The following ZNF195 variants were observed in gnomAD, a reference collection of about 807,000 sequenced individuals.
The protein encoded by ZNF195 is hypoxia-regulated factor-1.
ZNF195 carries 11 observed loss-of-function variants against 19.5 expected under a neutral mutation model. That is an observed-to-expected ratio of 0.57 (90% CI 0.36 to 0.94). The LOEUF (loss-of-function observed/expected upper bound fraction) is 0.94. Ranked by LOEUF, ZNF195 falls within the 40% of genes least tolerant of loss-of-function variation. The probability of loss-of-function intolerance (pLI) is 0.01; values close to 1 mark genes in which losing one functional copy is unlikely to be tolerated. For missense variants in ZNF195, 582 were observed against 709.0 expected (o/e 0.82, Z 2.03); for synonymous variants, 214 against 248.1 (o/e 0.86, Z 1.29).
intron 1 of ZNF195, among the ~76,000 whole-genome samples, chr11:3,374,129 G>A (rs1173832481): frequency 6.6e-6 from 1 of 152,224 alleles, no homozygotes; most frequent in Non-Finnish European, 1.5e-5. Flanking sequence ...AGTTGTCCAT[G>A]TGATTTAATT....
chr11:3,375,503 C>A (rs1409787642), intron 1 of ZNF195: 1 of 152,174 alleles, frequency 6.6e-6, no homozygotes, highest in African/African-American at 2.4e-5. Flanking sequence ...TCACAACAAC[C>A]ACATCAGGAA....
rs767381623 is a variant in ZNF195 at position 3,360,471 on chromosome 11, G to C, written c.537C>G (p.Gly179=). ...KRILRGYGNC[G]LDNLYLRKDW... Reference sequence around the variant, plus strand: ...CTTTCCTTAAATATAAATTATCAAGGCCACAATTTCCATATCCTCTCAGTA... The same window carrying C: ...CTTTCCTTAAATATAAATTATCAAGCCCACAATTTCCATATCCTCTCAGTA... Residue 179 remains glycine, a synonymous_variant, in exon 6 of 6, where the codon GGC becomes GGG. Coordinates refer to ENST00000399602, the MANE Select transcript of ZNF195 (RefSeq NM_001130520.3). 1.9e-6 allele frequency: 3 copies of C among 1,608,788 alleles called. No individual in the cohort carries two copies. Among genetic ancestry groups the C allele is most frequent in the Non-Finnish European group, 2.5e-6 (3 of 1,179,296 alleles).
intron 1 of ZNF195, among the ~76,000 whole-genome samples, chr11:3,372,794 C>T (rs528131911): frequency 6.6e-4 from 100 of 152,344 alleles, no homozygotes; most frequent in Non-Finnish European, 1.3e-3. Context: ...TGCAGTGGCG[C>T]GATCTCGGCT....
chr11:3,366,820 T>C (rs1427928951), intron 3 of ZNF195: 1 of 403,060 alleles, frequency 2.5e-6, no homozygotes, highest in African/African-American at 2.0e-5. Flanking sequence ...ACCCCAGCAC[T>C]TCGGGAGACC....
intron 1 of ZNF195, among the ~76,000 whole-genome samples, chr11:3,372,906 A>AT (rs917198209): frequency 2.0e-5 from 3 of 152,070 alleles, no homozygotes; most frequent in South Asian, 2.1e-4. Flanking sequence ...TAATTTTTGT[A>AT]TTTTTTTAGT....
At chr11:3,371,513 C>A in intron 2 of ZNF195, 64 bp downstream of exon 2, 1 of 1,607,902 alleles carries the variant, frequency 6.2e-7, no homozygotes, top group Non-Finnish European at 8.5e-7. Flanking sequence ...AAAAAACATT[C>A]CGCAGAGGAA....
At chr11:3,375,970 A>T (rs1020539396) in intron 1 of ZNF195, among the ~76,000 whole-genome samples, 1 of 152,222 alleles carries the variant, frequency 6.6e-6, no homozygotes, top group South Asian at 2.1e-4. Flanking sequence ...GAGATCCATG[A>T]TAGTTGCTAC....
chr11:3,378,156 A>G (rs1262115273), intron 1 of ZNF195, among the ~76,000 whole-genome samples: 1 of 152,076 alleles, frequency 6.6e-6, no homozygotes, highest in Non-Finnish European at 1.5e-5. Context: ...CTAAAAATAC[A>G]AAAATTAGCC....
rs1848505857 is a variant in ZNF195 at position 3,359,124 on chromosome 11, A to G, written c.1884T>C (p.His628=). ...FSHLTVHESI[H]T ...ATATTTGTTTATTTTTTTCTCAAGT[A>G]TGAATGCTTTCATGTACAGTCAGGT... is the stretch of plus-strand genomic sequence containing the variant. The change falls in exon 6 of 6, where the codon CAT becomes CAC. Residue 628 remains histidine, a synonymous_variant. Coordinates refer to ENST00000399602, the MANE Select transcript of ZNF195 (RefSeq NM_001130520.3). The surrounding 1 kb of genome is among the most constrained non-coding windows in gnomAD (Gnocchi z 5.5). 2 of 1,548,538 alleles carry G rather than the reference A, an allele frequency of 1.3e-6. No individual in the cohort carries two copies. The highest frequency in any genetic ancestry group is 4.5e-5 in the East Asian group (2 of 44,248).
chr11:3,366,757 G>A (rs963904061), intron 3 of ZNF195: 2 of 233,528 alleles, frequency 8.6e-6, no homozygotes, highest in African/African-American at 2.3e-5. Flanking sequence ...ATGCAGCCAC[G>A]ATGAAAGATA....
intron 1 of ZNF195, among the ~76,000 whole-genome samples, chr11:3,376,376 A>C (rs1190790046): frequency 6.6e-6 from 1 of 152,196 alleles, no homozygotes; most frequent in Admixed American, 6.5e-5. Flanking sequence ...ATGTTTTAAT[A>C]AAGTTTACGA....
intron 3 of ZNF195, chr11:3,368,968 A>G: frequency 2.5e-6 from 1 of 393,608 alleles, no homozygotes; most frequent in Non-Finnish European, 5.1e-6. Context: ...TATCCTTAAA[A>G]ACTCTGAGAG....
rs2134683841 is a variant in ZNF195 at position 3,360,045 on chromosome 11, A to G, written c.963T>C (p.Tyr321=). The change falls in exon 6 of 6, where the codon TAT becomes TAC. Residue 321 remains tyrosine, a synonymous_variant. Transcript: ENST00000399602. ...TCSVLTKNRI[Y]AGGEHYRCEE... ...CACATCTGTAATGTTCCCCTCCGGCATAAATTCTATTTTTAGTAAGGACTG... is the reference window on the plus strand; with the variant it reads ...CACATCTGTAATGTTCCCCTCCGGCGTAAATTCTATTTTTAGTAAGGACTG... 6.2e-7 allele frequency: 1 copy of G among 1,614,112 alleles called. No individual in the cohort carries two copies. The highest frequency in any genetic ancestry group is 8.5e-7 in the Non-Finnish European group (1 of 1,180,046).
chr11:3,361,854 C>T lies in ZNF195; in HGVS notation c.262G>A (p.Glu88Lys), dbSNP rs1229363995. Residue 88 changes from glutamate (E) to lysine (K), a missense_variant, in exon 4 of 6, where the codon GAA becomes AAA. This residue lies in a region of ZNF195 where 129 missense variants were observed against 112.1 expected (regional missense o/e 1.15). Coordinates refer to ENST00000399602, the MANE Select transcript of ZNF195 (RefSeq NM_001130520.3). ...GGCAGATCGCTTGAGCCCAGGAGTTCAAGACAAGCCTGAGTAGCATGGTGA... is the reference window on the plus strand; with the variant it reads ...GGCAGATCGCTTGAGCCCAGGAGTTTAAGACAAGCCTGAGTAGCATGGTGA... The part of the protein sequence containing the change: ...GFHHATQACL[E>K]LLGSSDLPAS... 3.8e-6 allele frequency: 2 copies of T among 527,026 alleles called. No individual in the cohort carries two copies. The highest frequency in any genetic ancestry group is 3.9e-5 in the African/African-American group (2 of 50,718). The allele number at this position is 527,026 out of a possible 1,614,324, so 32.6% of individuals were successfully genotyped here. A position where few individuals can be genotyped will look rare whatever the true frequency, so the allele number is the denominator to read the frequency against.
intron 3 of ZNF195, chr11:3,369,346 G>A: frequency 4.1e-6 from 1 of 241,838 alleles, no homozygotes; most frequent in Non-Finnish European, 8.6e-6. Context: ...GTTAGAAAAA[G>A]ATAAACCTAC....
chr11:3,360,742 C>A lies in ZNF195; in HGVS notation c.420G>T (p.Glu140Asp). 1 of 1,551,492 alleles carries A rather than the reference C, an allele frequency of 6.4e-7. No individual in the cohort carries two copies. Among genetic ancestry groups the A allele is most frequent in the Non-Finnish European group, 8.7e-7 (1 of 1,146,946 alleles). Residue 140 changes from glutamate (E) to aspartate (D), a missense_variant, in exon 5 of 6, where the codon GAG becomes GAT. Glu to Asp is a conservative substitution (Grantham distance 45, BLOSUM62 2). Around this residue, in one of 3 missense-constraint regions of ZNF195, gnomAD observed 129 missense variants for 112.1 expected, o/e 1.15. Transcript: ENST00000399602. ...TACCTAGTGAGAAGATGCATCTGAA[C>A]TCTAAAAACCATTTCACAGTTTGCA... ...GVLQTVKWFL[E>D]FRCIFSLAMS...
Position 3,371,016 on chromosome 11 carries a change from G to A in ZNF195, c.185C>T (p.Pro62Leu). 1.9e-6 allele frequency: 3 copies of A among 1,614,000 alleles called. No homozygotes were observed. Among genetic ancestry groups the A allele is most frequent in the Admixed American group, 1.7e-5 (1 of 60,012 alleles). ...TGCCTCCTGTCTCTTCACATTCCAGGGCTCTTTTCGTTGCTCCAGGCAGGT... is the reference window on the plus strand; with the variant it reads ...TGCCTCCTGTCTCTTCACATTCCAGAGCTCTTTTCGTTGCTCCAGGCAGGT... Reference protein sequence around the residue: ...LITCLEQRKEPWNVKRQEAAD... With the variant: ...LITCLEQRKELWNVKRQEAAD... The change falls in exon 3 of 6, where the codon CCC becomes CTC. Residue 62 changes from proline to leucine, a missense_variant. Physicochemically the swap from Pro to Leu is moderately conservative, Grantham distance 98. This residue lies in a region of ZNF195 where 129 missense variants were observed against 112.1 expected (regional missense o/e 1.15). Coordinates refer to ENST00000399602, the MANE Select transcript of ZNF195 (RefSeq NM_001130520.3).
At chr11:3,361,187 G>A (rs1254922446) in intron 4 of ZNF195, among the ~76,000 whole-genome samples, 1 of 152,176 alleles carries the variant, frequency 6.6e-6, no homozygotes, top group African/African-American at 2.4e-5. Context: ...TTCCACACAA[G>A]ACACATCCCA....
At chr11:3,366,375 C>A (rs1395718946) in intron 3 of ZNF195, among the ~76,000 whole-genome samples, 2 of 151,390 alleles carry the variant, frequency 1.3e-5, no homozygotes, top group Non-Finnish European at 2.9e-5. Flanking sequence ...AAACTTTCTG[C>A]AAATCAAAGA....
Sources: allele counts gnomAD v4.1 joint callset (sites outside exome capture counted in the v4.1 genomes callset), GRCh38; gene constraint gnomAD v4.1.1; regional missense constraint gnomAD v4.1.1; non-coding constraint Gnocchi (gnomAD v3.1); transcripts MANE v1.5; gene names NCBI Gene and HGNC (gene_info 2026-07-23, HGNC 2026-07-21).